PTPRT: variants seen among roughly 807,000 people sequenced by gnomAD.
PTPRT encodes protein tyrosine phosphatase receptor type T, also known as receptor-type tyrosine-protein phosphatase T.
Under a neutral mutation model 176.8 loss-of-function variants are expected in PTPRT, and 56 were observed. That is an observed-to-expected ratio of 0.32 (90% confidence interval 0.26 to 0.40). PTPRT has a LOEUF of 0.40. PTPRT is among the 10% of genes least tolerant of loss of function. PTPRT has a pLI of 1.00. For synonymous variants in PTPRT, 783 were observed against 739.0 expected (o/e 1.06, Z -0.96); for missense variants, 1,540 against 1,908.2 (o/e 0.81, Z 3.60).
At chr20:42,194,462 G>T (rs1991121850) in intron 16 of PTPRT, among the ~76,000 whole-genome samples, 1 of 152,156 alleles carries the variant, frequency 6.6e-6, no homozygotes, top group African/African-American at 2.4e-5. Flanking sequence ...ATGCCATTAT[G>T]GGAAGAGCAG....
intron 6 of PTPRT, chr20:42,686,373 G>C (rs1265500572): frequency 6.7e-6 from 1 of 150,246 alleles, no homozygotes; most frequent in East Asian, 2.0e-4. Flanking sequence ...TGGGACAATG[G>C]GGTGGCTTTA....
chr20:42,066,440 G>T, the PTPRT span, among the ~76,000 whole-genome samples: 1,174 of 68,458 alleles, frequency 0.017, 21 homozygotes, highest in African/African-American at 0.078. Context: ...CTGGTTTAGA[G>T]GTTGTAGGGG....
chr20:42,731,928 T>C (rs1451092150), intron 6 of PTPRT, among the ~76,000 whole-genome samples: 2 of 152,218 alleles, frequency 1.3e-5, no homozygotes, highest in Non-Finnish European at 2.9e-5. Flanking sequence ...CTCCAGGTTT[T>C]AAACCAAATG....
intron 1 of PTPRT, among the ~76,000 whole-genome samples, chr20:43,155,265 C>G (rs1214060375): frequency 6.6e-6 from 1 of 152,094 alleles, no homozygotes; most frequent in African/African-American, 2.4e-5. Context: ...AGCCAAGATA[C>G]AAAATCAATC....
At chr20:42,087,205 A>G (rs1306746807) in intron 27 of PTPRT, among the ~76,000 whole-genome samples, 1 of 151,400 alleles carries the variant, frequency 6.6e-6, no homozygotes, top group East Asian at 2.0e-4. Flanking sequence ...GAGACTGAGA[A>G]AACCTAGTAT....
intron 2 of PTPRT, among the ~76,000 whole-genome samples, chr20:42,838,778 C>T (rs1425479478): frequency 6.6e-6 from 1 of 152,178 alleles, no homozygotes; most frequent in African/African-American, 2.4e-5. Context: ...TGACAATCTC[C>T]CTTTCCCATT....
chr20:42,584,905 AG>A (rs1474555758), intron 7 of PTPRT, among the ~76,000 whole-genome samples: 1 of 152,182 alleles, frequency 6.6e-6, no homozygotes, highest in Non-Finnish European at 1.5e-5. Flanking sequence ...TAAGTTGTGG[AG>A]GTGTAGGAAT....
At chr20:43,003,377 TA>T (rs1217563653) in intron 1 of PTPRT, among the ~76,000 whole-genome samples, 1 of 152,102 alleles carries the variant, frequency 6.6e-6, no homozygotes, top group Non-Finnish European at 1.5e-5. Context: ...TTGTAGAGAC[TA>T]GGGGCCGGTG....
At chr20:42,445,139 C>A (rs1470126655) in intron 9 of PTPRT, among the ~76,000 whole-genome samples, 4 of 152,144 alleles carry the variant, frequency 2.6e-5, no homozygotes, top group African/African-American at 9.7e-5. Flanking sequence ...CGCTAAGTTG[C>A]AGAAAGGGGC....
intron 9 of PTPRT, among the ~76,000 whole-genome samples, chr20:42,395,543 A>C (rs1276280126): frequency 6.6e-6 from 1 of 152,160 alleles, no homozygotes; most frequent in African/African-American, 2.4e-5. Context: ...ATCAGAGAAC[A>C]TCTTCAGGTA....
chr20:42,733,993 G>T (rs1228950291), intron 6 of PTPRT, among the ~76,000 whole-genome samples: 1 of 152,226 alleles, frequency 6.6e-6, no homozygotes, highest in Non-Finnish European at 1.5e-5. Context: ...CAACTGGGAA[G>T]CAGACCCTGA....
chr20:42,823,158 C>T (rs183978771), intron 2 of PTPRT, among the ~76,000 whole-genome samples: 277 of 152,112 alleles, frequency 1.8e-3, no homozygotes, highest in Non-Finnish European at 2.9e-3. Context: ...CAATGATAGA[C>T]CGGATAAAGA....
intron 21 of PTPRT, among the ~76,000 whole-genome samples, chr20:42,115,830 C>T (rs971650778): frequency 1.3e-5 from 2 of 151,858 alleles, no homozygotes; most frequent in Non-Finnish European, 2.9e-5. Context: ...GGGAGGGGGA[C>T]ATCATTAAGA....
At position 42,765,625 on chromosome 20, in the gene PTPRT, T is replaced by C. The variant is rs190277107; in HGVS notation, c.684+5810A>G. Among the ~76,000 whole-genome samples the C allele has an allele frequency of 1.5e-3, 224 of 152,188 alleles. 1 individual carries two copies. The highest frequency in any genetic ancestry group is 5.2e-3 in the African/African-American group (216 of 41,536). On this transcript the variant is annotated intron_variant, in intron 5 of 30. Coordinates refer to ENST00000373187, the MANE Select transcript of PTPRT (RefSeq NM_007050.6). ...AAAGCTTCATAATCTATTATTACAA[T>C]CAAGTGTCTTAATATGTATTTCATG... is the stretch of plus-strand genomic sequence containing the variant.
At chr20:42,876,069 C>T (rs1337362173) in intron 2 of PTPRT, among the ~76,000 whole-genome samples, 1 of 152,138 alleles carries the variant, frequency 6.6e-6, no homozygotes, top group African/African-American at 2.4e-5. Context: ...TCACTCTCTC[C>T]CTTTCTCTCT....
chr20:42,563,379 T>G (rs997674804), intron 7 of PTPRT, among the ~76,000 whole-genome samples: 1 of 152,204 alleles, frequency 6.6e-6, no homozygotes, highest in African/African-American at 2.4e-5. Context: ...TTGATGGTTT[T>G]GGGAAATTAG....
At chr20:42,303,058 C>T (rs2057492573) in intron 12 of PTPRT, among the ~76,000 whole-genome samples, 1 of 152,198 alleles carries the variant, frequency 6.6e-6, no homozygotes, top group Non-Finnish European at 1.5e-5. Context: ...AGTTTCTCTG[C>T]ACCTCATGAA....
chr20:42,227,295 C>G (rs1568688701), intron 15 of PTPRT, among the ~76,000 whole-genome samples: 1 of 152,136 alleles, frequency 6.6e-6, no homozygotes, highest in Admixed American at 6.5e-5. Flanking sequence ...CTAAAGCCAA[C>G]CCCAGGGGAG....
At chr20:42,606,007 G>A (rs2073869741) in intron 7 of PTPRT, among the ~76,000 whole-genome samples, 1 of 152,196 alleles carries the variant, frequency 6.6e-6, no homozygotes, top group Non-Finnish European at 1.5e-5. Flanking sequence ...GCAGGCAGTA[G>A]AACAGAAATG....
Sources: gnomAD v4.1 joint callset for allele counts (sites outside exome capture counted in the v4.1 genomes callset) on GRCh38, gnomAD v4.1.1 for gene constraint, MANE v1.5 for transcripts, NCBI Gene and HGNC (gene_info 2026-07-23, HGNC 2026-07-21) for gene names.